The following ZSCAN20 variants were observed in gnomAD, a reference collection of about 807,000 sequenced individuals.
The protein encoded by ZSCAN20 is zinc finger and SCAN domain containing 20, also known as zinc finger and SCAN domain-containing protein 20.
Under a neutral mutation model 97.1 loss-of-function variants are expected in ZSCAN20, and 39 were observed. That is an observed-to-expected ratio of 0.40 (90% CI 0.31 to 0.52). The LOEUF is 0.52. Ranked by LOEUF, ZSCAN20 falls within the 20% of genes least tolerant of loss-of-function variation. The pLI is 0.49. For synonymous variants in ZSCAN20, 456 were observed against 467.3 expected (o/e 0.98, Z 0.31); for missense variants, 1,115 against 1,290.4 (o/e 0.86, Z 2.08).
Position 33,499,458 on chromosome 1 carries a change from G to C in ZSCAN20, c.*3982G>C, listed in dbSNP as rs923282430. Among the ~76,000 whole-genome samples, 1 of 151,972 alleles carries C rather than the reference G, an allele frequency of 6.6e-6. No individual in the cohort carries two copies. The highest frequency in any genetic ancestry group is 2.1e-4 in the South Asian group (1 of 4,816). ...TAGGATCCCAGCTGCCTGCCAACCA[G>C]CTGTGCTTGGGTGACTCCTGGGCAT... On this transcript the variant is annotated 3_prime_UTR_variant, in exon 8 of 8. Transcript: ENST00000684572.
At chr1:33,475,862 G>T (rs1043604478) in intron 1 of ZSCAN20, among the ~76,000 whole-genome samples, 14 of 149,430 alleles carry the variant, frequency 9.4e-5, no homozygotes, top group Non-Finnish European at 1.6e-4. Flanking sequence ...TAGAGACAGG[G>T]TTTCACCATG....
chr1:33,493,351 C>T lies in ZSCAN20; in HGVS notation c.1609C>T (p.Arg537Cys), dbSNP rs1334307379. ...CTTCCTGCGGACACTGGAGCAGTGT[C>T]GCTACAGATTCAAAAACCTCCTTCG... is the stretch of plus-strand genomic sequence containing the variant. ...LGFLRTLEQC[R>C]YRFKNLLRSY... is the part of the protein sequence containing the mutation. The change falls in exon 7 of 8, where the codon CGC becomes TGC. Residue 537 changes from arginine to cysteine, a missense_variant. Transcript: ENST00000684572. This position sits in a 1 kb window ranked among gnomAD's most constrained non-coding sequence, Gnocchi z 4.3. The T allele has an allele frequency of 6.2e-6, 10 of 1,614,028 alleles. No individual in the cohort carries two copies. In the East Asian group the frequency reaches 6.7e-5, roughly 11 times the overall value.
chr1:33,491,350 A>G lies in ZSCAN20; in HGVS notation c.1092A>G (p.Leu364=), dbSNP rs200445168. 2.0e-4 allele frequency: 323 copies of G among 1,614,058 alleles called. No homozygotes were observed. Among genetic ancestry groups the G allele is most frequent in the Non-Finnish European group, 2.6e-4 (311 of 1,180,020 alleles). The change falls in exon 6 of 8, where the codon CTA becomes CTG. Residue 364 remains leucine, a synonymous_variant. Transcript: ENST00000684572. This position sits in a 1 kb window ranked among gnomAD's most constrained non-coding sequence, Gnocchi z 4.3. ...RQVYRAIAEQ[L]RARGFLRTLE... ...TATATCGGGCCATTGCAGAGCAGCT[A>G]AGGGCAAGGGGCTTCCTGCGGACAC... is the stretch of plus-strand genomic sequence containing the variant.
Position 33,483,790 on chromosome 1 carries a change from T to G in ZSCAN20, c.417+4085T>G, listed in dbSNP as rs551018156. ...TGGGTGTTGAATCTGTAGATCAAAT[T>G]GGGAAAAGCTGACATCTTGACTACA... is the stretch of plus-strand genomic sequence containing the variant. On this transcript the variant is annotated intron_variant, in intron 2 of 7. Coordinates refer to ENST00000684572, the MANE Select transcript of ZSCAN20 (RefSeq NM_001377376.1). Among the ~76,000 whole-genome samples, 4 of 152,320 alleles carry G rather than the reference T, an allele frequency of 2.6e-5. No individual in the cohort carries two copies. In the East Asian group the frequency reaches 5.8e-4, roughly 22 times the overall value.
intron 6 of ZSCAN20, among the ~76,000 whole-genome samples, chr1:33,492,892 T>C (rs1652682132): frequency 2.6e-5 from 4 of 151,638 alleles, no homozygotes; most frequent in African/African-American, 9.7e-5. Context: ...ACTAATCAGC[T>C]AAAGCCAGGC....
At chr1:33,473,982 T>A (rs1433371791) in intron 1 of ZSCAN20, among the ~76,000 whole-genome samples, 2 of 152,202 alleles carry the variant, frequency 1.3e-5, no homozygotes, top group Non-Finnish European at 2.9e-5. Flanking sequence ...CTATTGCCAG[T>A]GGATTTCCAG....
At chr1:33,490,107 G>T (rs1652540584) in intron 5 of ZSCAN20, among the ~76,000 whole-genome samples, 1 of 152,178 alleles carries the variant, frequency 6.6e-6, no homozygotes, top group South Asian at 2.1e-4. Context: ...TGGAGCCCGG[G>T]ATCACTGTGT....
chr1:33,477,932 G>A (rs962078517), intron 1 of ZSCAN20, among the ~76,000 whole-genome samples: 2 of 151,958 alleles, frequency 1.3e-5, no homozygotes, highest in Non-Finnish European at 2.9e-5. Flanking sequence ...CGGAAAAAGA[G>A]CAATTTAAGC....
Position 33,493,758 on chromosome 1 carries a change from T to C in ZSCAN20, c.1873+143T>C. On this transcript the variant is annotated intron_variant, in intron 7 of 7. Transcript: ENST00000684572. This position sits in a 1 kb window ranked among gnomAD's most constrained non-coding sequence, Gnocchi z 4.3. ...AAGTATTTCTGCTTTGCTCAGATTA[T>C]CCAGTCTCTAGCTTTGTGTGATCCC... The C allele has an allele frequency of 1.1e-6, 1 of 928,896 alleles. No individual in the cohort carries two copies. The highest frequency in any genetic ancestry group is 1.9e-5 in the South Asian group (1 of 53,676). The allele number at this position is 928,896 out of a possible 1,614,324, so 57.5% of individuals were successfully genotyped here. A position where few individuals can be genotyped will look rare whatever the true frequency, so the allele number is the denominator to read the frequency against.
rs1653070409 is a variant in ZSCAN20, at chr1:33,501,538, T to A, written c.*6062T>A. ...CTTTCACTTCCCCATTTTCTGTTAT[T>A]TTTTTTTTTTTTGTGCTGTTATGTA... On this transcript the variant is annotated 3_prime_UTR_variant, in exon 8 of 8. Coordinates refer to ENST00000684572, the MANE Select transcript of ZSCAN20 (RefSeq NM_001377376.1). Among the ~76,000 whole-genome samples the A allele has an allele frequency of 6.8e-6, 1 of 147,288 alleles. No homozygotes were observed. The highest frequency in any genetic ancestry group is 1.5e-5 in the Non-Finnish European group (1 of 67,160).
At chr1:33,473,210 A>G (rs1326303804) in intron 1 of ZSCAN20, among the ~76,000 whole-genome samples, 1 of 152,134 alleles carries the variant, frequency 6.6e-6, no homozygotes, top group Non-Finnish European at 1.5e-5. Context: ...CTTATGTCTT[A>G]TGGAAGTCAG....
chr1:33,483,107 C>T (rs1652215382), intron 2 of ZSCAN20, among the ~76,000 whole-genome samples: 1 of 152,038 alleles, frequency 6.6e-6, no homozygotes, highest in South Asian at 2.1e-4. Flanking sequence ...ATGGATTATG[C>T]CTTTGATTTT....
At chr1:33,489,217 C>T (rs1333331954) in intron 4 of ZSCAN20, 26 bp downstream of exon 4, 1 of 1,605,260 alleles carries the variant, frequency 6.2e-7, no homozygotes, top group African/African-American at 1.3e-5. Flanking sequence ...TTCTTCCTTT[C>T]CTGTCATTGC....
chr1:33,494,507 G>A lies in ZSCAN20; in HGVS notation c.2163G>A (p.Arg721=). 1 of 1,614,228 alleles carries A rather than the reference G, an allele frequency of 6.2e-7. No homozygotes were observed. Among genetic ancestry groups the A allele is most frequent in the Non-Finnish European group, 8.5e-7 (1 of 1,180,042 alleles). ...KCDTCMKSFS[R]SSHFIAHQRI... is the part of the protein sequence containing the mutation. ...ACACATGCATGAAGAGCTTCAGTCG[G>A]AGCTCCCACTTCATTGCCCATCAGC... is the stretch of plus-strand genomic sequence containing the variant. Residue 721 remains arginine (R), a synonymous_variant, in exon 8 of 8, where the codon CGG becomes CGA. Transcript: ENST00000684572.
rs577394161 is a variant in ZSCAN20 at position 33,496,574 on chromosome 1, C to A, written c.*1098C>A. On this transcript the variant is annotated 3_prime_UTR_variant, in exon 8 of 8. Transcript: ENST00000684572. ...GCTAAGGAAATGGGATGTAAGAGTT[C>A]TCTTTTTCTCAGGGGACAGTCCTAC... 37 of 152,268 alleles carry A rather than the reference C, an allele frequency of 2.4e-4. No individual in the cohort carries two copies. Among genetic ancestry groups the A allele is most frequent in the African/African-American group, 8.9e-4 (37 of 41,552 alleles). The allele number at this position is 152,268 out of a possible 1,614,324, so 9.4% of individuals were successfully genotyped here.
chr1:33,495,253 A>G lies in ZSCAN20; in HGVS notation c.2909A>G (p.Asp970Gly). The change falls in exon 8 of 8, where the codon GAC (aspartate) becomes GGC (glycine). Residue 970 changes from aspartate (D) to glycine (G), a missense_variant. Coordinates refer to ENST00000684572, the MANE Select transcript of ZSCAN20 (RefSeq NM_001377376.1). ...KCLECGKFFR[D>G]RSNLITHQRI... is the part of the protein sequence containing the mutation. ...CTTGAGTGTGGAAAATTCTTCCGTG[A>G]CCGTTCTAACCTCATTACTCACCAG... is the stretch of plus-strand genomic sequence containing the variant. The G allele has an allele frequency of 6.2e-7, 1 of 1,612,090 alleles. No individual in the cohort carries two copies. The highest frequency in any genetic ancestry group is 1.1e-5 in the South Asian group (1 of 90,924).
chr1:33,475,609 G>A (rs1359294729), intron 1 of ZSCAN20, among the ~76,000 whole-genome samples: 3 of 152,120 alleles, frequency 2.0e-5, no homozygotes, highest in Non-Finnish European at 4.4e-5. Context: ...CGAACAGATA[G>A]TGAACGCAAC....
chr1:33,475,564 C>T (rs902038438), intron 1 of ZSCAN20, among the ~76,000 whole-genome samples: 3 of 152,202 alleles, frequency 2.0e-5, no homozygotes, highest in Non-Finnish European at 2.9e-5. Context: ...TGGTGAATAG[C>T]GAAGTCCTAG....
At chr1:33,489,729 A>C in intron 5 of ZSCAN20, 127 bp downstream of exon 5, 1 of 857,062 alleles carries the variant, frequency 1.2e-6, no homozygotes, top group Non-Finnish European at 1.8e-6. Context: ...AATAGGAAGA[A>C]GACTTGCCCT....
Sources: allele counts gnomAD v4.1 joint callset (sites outside exome capture counted in the v4.1 genomes callset), GRCh38; gene constraint gnomAD v4.1.1; non-coding constraint Gnocchi (gnomAD v3.1); transcripts MANE v1.5; gene names NCBI Gene and HGNC (gene_info 2026-07-23, HGNC 2026-07-21).